The following CCDC88A variants were observed in gnomAD, a reference collection of about 807,000 sequenced individuals.
CCDC88A encodes the protein girdin.
A neutral mutation model predicts 234.3 loss-of-function variants in CCDC88A; 54 were observed. The ratio of observed to expected loss-of-function variants is 0.23; its 90% CI spans 0.19 to 0.29. The LOEUF is 0.29. Ranked by LOEUF, CCDC88A falls within the 10% of genes least tolerant of loss-of-function variation. The pLI, the probability that CCDC88A is intolerant of heterozygous loss-of-function variation, is 1.00. For missense variants in CCDC88A, 1,832 were observed against 2,123.4 expected (o/e 0.86, Z 2.70); for synonymous variants, 753 against 737.8 (o/e 1.02, Z -0.33).
At chr2:55,385,812 C>T (rs866749791) in intron 3 of CCDC88A, among the ~76,000 whole-genome samples, 13 of 123,656 alleles carry the variant, frequency 1.1e-4, no homozygotes, top group South Asian at 2.7e-4. Flanking sequence ...GAAATTGCAC[C>T]ATTGCACTCC....
intron 13 of CCDC88A, among the ~76,000 whole-genome samples, chr2:55,338,204 G>A (rs1413385245): frequency 6.6e-6 from 1 of 152,168 alleles, no homozygotes. Flanking sequence ...AAATAAAACT[G>A]TTCTAAATTC....
chr2:55,344,004 C>T (rs1668804446), intron 11 of CCDC88A: 3 of 417,594 alleles, frequency 7.2e-6, no homozygotes, highest in Non-Finnish European at 1.3e-5. Context: ...TTTGGGGACA[C>T]AATGAAAATT....
rs1360157673 is a variant in CCDC88A at position 55,289,070 on chromosome 2, C to A, written c.*2130G>T. 6.6e-6 allele frequency: 1 copy of A among 152,648 alleles called. No individual in the cohort carries two copies. The highest frequency in any genetic ancestry group is 1.9e-4 in the East Asian group (1 of 5,204). 9.5% of individuals were successfully genotyped at this position (152,648 alleles called of 1,614,324 possible). ...TTAATTGTCCCTTCTCAGGGTCAGC[C>A]TACTCAGATTCAGTACTTTACACGT... is the stretch of plus-strand genomic sequence containing the variant. On this transcript the variant is annotated 3_prime_UTR_variant, in exon 33 of 33. Transcript: ENST00000436346.
intron 2 of CCDC88A, chr2:55,417,217 A>G (rs1681637477): frequency 6.6e-6 from 1 of 152,104 alleles, no homozygotes; most frequent in Non-Finnish European, 1.5e-5. Context: ...TTCTGGAAAA[A>G]GAATCATTCA....
chr2:55,416,825 T>C (rs1006336892), intron 2 of CCDC88A: 1 of 151,984 alleles, frequency 6.6e-6, no homozygotes, highest in Non-Finnish European at 1.5e-5. Context: ...CAATGTATAT[T>C]TTGTTGCCCT....
At position 55,335,089 on chromosome 2, in the gene CCDC88A, C is replaced by T. The variant is rs1279559283; in HGVS notation, c.1732G>A (p.Ala578Thr). Reference sequence around the variant, plus strand: ...TCAATGTCTTTCACTCTTGCTTCTGCACTTATCTGGGACCGCTGCCTTAAG... The same window carrying T: ...TCAATGTCTTTCACTCTTGCTTCTGTACTTATCTGGGACCGCTGCCTTAAG... Reference protein sequence around the residue: ...SSLRQRSQISAEARVKDIEKE... With the variant: ...SSLRQRSQISTEARVKDIEKE... The change falls in exon 15 of 33, where the codon GCA becomes ACA. Residue 578 changes from alanine to threonine, a missense_variant. Around this residue, in one of 6 missense-constraint regions of CCDC88A, gnomAD observed 1,282 missense variants for 1,543.6 expected, o/e 0.83. Coordinates refer to ENST00000436346, the MANE Select transcript of CCDC88A (RefSeq NM_001365480.1). The surrounding 1 kb of genome is among the most constrained non-coding windows in gnomAD (Gnocchi z 4.5). The T allele has an allele frequency of 6.2e-7, 1 of 1,605,188 alleles. No individual in the cohort carries two copies. Among genetic ancestry groups the T allele is most frequent in the South Asian group, 1.1e-5 (1 of 88,898 alleles).
chr2:55,357,332 T>TGTCCTTCCTTCCTCCCTCCC (rs1670717644), intron 7 of CCDC88A, among the ~76,000 whole-genome samples: 1 of 115,882 alleles, frequency 8.6e-6, no homozygotes, highest in African/African-American at 3.2e-5. Context: ...TCCTTCCTTC[T>TGTCCTTCCTTCCTCCCTCCC]TTCCTTCCTT....
chr2:55,354,905 T>A (rs1670366218), intron 8 of CCDC88A, among the ~76,000 whole-genome samples: 1 of 151,336 alleles, frequency 6.6e-6, no homozygotes, highest in African/African-American at 2.4e-5. Flanking sequence ...TTTCTTTTTT[T>A]ACTTTTAAAC....
intron 3 of CCDC88A, among the ~76,000 whole-genome samples, chr2:55,383,511 T>C (rs1674951751): frequency 6.6e-6 from 1 of 151,408 alleles, no homozygotes. Flanking sequence ...TAATCCCAGC[T>C]ACTCAGGAAG....
chr2:55,411,917 G>A (rs1467277530), intron 2 of CCDC88A, among the ~76,000 whole-genome samples: 4 of 151,782 alleles, frequency 2.6e-5, no homozygotes, highest in Non-Finnish European at 4.4e-5. Flanking sequence ...TGCCTCAAAG[G>A]AGATATAACA....
chr2:55,316,052 T>G lies in CCDC88A; in HGVS notation c.3809A>C (p.Asn1270Thr), dbSNP rs1159765612. The G allele has an allele frequency of 6.3e-7, 1 of 1,585,136 alleles. No individual in the cohort carries two copies. Among genetic ancestry groups the G allele is most frequent in the Non-Finnish European group, 8.6e-7 (1 of 1,160,642 alleles). ...ETEVLQTDHK[N>T]LKSLLNNSKL... The stretch of plus-strand genomic sequence containing the variant: ...GGAATTATTCAGAAGACTTTTCAAA[T>G]TTTTATGGTCAGTTTGTAAAACTTC... Residue 1270 changes from asparagine to threonine, a missense_variant, in exon 22 of 33, where the codon AAT becomes ACT. Physicochemically the swap from Asn to Thr is moderately conservative, Grantham distance 65. Coordinates refer to ENST00000436346, the MANE Select transcript of CCDC88A (RefSeq NM_001365480.1).
chr2:55,319,103 G>A, intron 18 of CCDC88A, 99 bp from the exon 19 acceptor site: 1 of 924,828 alleles, frequency 1.1e-6, no homozygotes, highest in African/African-American at 1.7e-5. Flanking sequence ...GTATTTATTA[G>A]CATTATAATC....
At chr2:55,383,537 C>A (rs541779958) in intron 3 of CCDC88A, among the ~76,000 whole-genome samples, 4 of 151,284 alleles carry the variant, frequency 2.6e-5, no homozygotes, top group African/African-American at 7.3e-5. Flanking sequence ...GCAGGAGAAT[C>A]GCTTGAACCC....
chr2:55,346,695 C>T (rs1669154212), intron 9 of CCDC88A, among the ~76,000 whole-genome samples: 2 of 152,142 alleles, frequency 1.3e-5, no homozygotes, highest in Admixed American at 6.5e-5. Context: ...GCTGGGATTA[C>T]AGGCGTAAGC....
Position 55,301,858 on chromosome 2 carries a change from C to A in CCDC88A, c.4672+14G>T. 1 of 1,610,040 alleles carries A rather than the reference C, an allele frequency of 6.2e-7. No homozygotes were observed. Among genetic ancestry groups the A allele is most frequent in the Non-Finnish European group, 8.5e-7 (1 of 1,177,014 alleles). On this transcript the variant is annotated intron_variant, in intron 27 of 32. Coordinates refer to ENST00000436346, the MANE Select transcript of CCDC88A (RefSeq NM_001365480.1). ...AACAATTACACCACAGTGCAAATAG[C>A]AGACAGCCTATACCTTTATTATTAA...
At chr2:55,326,191 A>AT (rs931817738) in intron 17 of CCDC88A, among the ~76,000 whole-genome samples, 1 of 145,732 alleles carries the variant, frequency 6.9e-6, no homozygotes, top group African/African-American at 2.5e-5. Context: ...TGCCTTTTGG[A>AT]TTTTTTTAAG....
chr2:55,382,219 A>T (rs1429799896), intron 3 of CCDC88A, among the ~76,000 whole-genome samples: 1 of 152,184 alleles, frequency 6.6e-6, no homozygotes. Context: ...AAAAACCTAC[A>T]AAGTATCTAT....
chr2:55,380,010 G>A (rs1199523168), intron 3 of CCDC88A, among the ~76,000 whole-genome samples: 1 of 143,826 alleles, frequency 7.0e-6, no homozygotes, highest in African/African-American at 2.5e-5. Context: ...GATCACTTGA[G>A]GCCAGGAGTT....
intron 2 of CCDC88A, among the ~76,000 whole-genome samples, chr2:55,416,443 AATATATATATAT>A (rs60840841): frequency 1.3e-3 from 21 of 15,838 alleles, no homozygotes; most frequent in East Asian, 5.4e-3. Flanking sequence ...TAAATAAATA[AATATATATATAT>A]ATATATATAT....
Sources: allele counts gnomAD v4.1 joint callset (sites outside exome capture counted in the v4.1 genomes callset), GRCh38; gene constraint gnomAD v4.1.1; regional missense constraint gnomAD v4.1.1; non-coding constraint Gnocchi (gnomAD v3.1); transcripts MANE v1.5; gene names NCBI Gene and HGNC (gene_info 2026-07-23, HGNC 2026-07-21).